Variants in CSMD3 observed in about 807,000 individuals in gnomAD.
The protein encoded by CSMD3 is CUB and Sushi multiple domains 3.
In CSMD3, 177 loss-of-function variants were observed where a neutral mutation model predicts 435.2. That is an observed-to-expected ratio of 0.41 (90% confidence interval 0.36 to 0.46). CSMD3 has a LOEUF of 0.46. Ranked by LOEUF, CSMD3 falls within the 20% of genes least tolerant of loss-of-function variation. The pLI is 0.34. For missense variants in CSMD3, 4,265 were observed against 4,504.6 expected, an observed-to-expected ratio of 0.95 and a Z score of 1.52; for synonymous variants, 1,656 against 1,520.5, an observed-to-expected ratio of 1.09 and a Z score of -2.07.
chr8:112,798,863 G>T (rs2078891724), intron 13 of CSMD3, among the ~76,000 whole-genome samples: 1 of 151,812 alleles, frequency 6.6e-6, no homozygotes, highest in Admixed American at 6.6e-5. Flanking sequence ...GCCATTTAGA[G>T]GGAGAAGGGG....
chr8:112,587,341 A>G (rs1251033150), intron 22 of CSMD3, 106 bp from the exon 23 acceptor site: 2 of 819,456 alleles, frequency 2.4e-6, no homozygotes, highest in African/African-American at 1.7e-5. Flanking sequence ...CCTAAAGCCT[A>G]GTAGAAAAAT....
chr8:112,612,231 C>A (rs992819774), intron 22 of CSMD3, among the ~76,000 whole-genome samples: 2 of 152,152 alleles, frequency 1.3e-5, no homozygotes, highest in African/African-American at 4.8e-5. Flanking sequence ...GACAAATTAT[C>A]AGCCAGGTAT....
At position 112,557,795 on chromosome 8, in the gene CSMD3, C is replaced by T. The variant is rs993249005; in HGVS notation, c.4043-841G>A. Among the ~76,000 whole-genome samples the T allele has an allele frequency of 7.9e-5, 12 of 151,944 alleles. No homozygotes were observed. The South Asian group carries it at 2.5e-3, about 32-fold the overall frequency. Reference sequence around the variant, plus strand: ...CTTCGTTTGTATCCTTTATAATAAACCAATAAAGGTGAGTAAATGTTTCCC... The same window carrying T: ...CTTCGTTTGTATCCTTTATAATAAATCAATAAAGGTGAGTAAATGTTTCCC... On this transcript the variant is annotated intron_variant, in intron 24 of 70. Transcript: ENST00000297405.
At chr8:113,099,040 A>G (rs886260437) in intron 4 of CSMD3, 77 bp from the exon 5 acceptor site, 1 of 910,722 alleles carries the variant, frequency 1.1e-6, no homozygotes, top group Admixed American at 1.8e-5. Context: ...AAAGCAAGTC[A>G]ATATGTTTGG....
Position 112,278,671 on chromosome 8 carries a change from A to G in CSMD3, c.9508+2503T>C, listed in dbSNP as rs533953070. ...TCCAATGCTTGCCTATCTGACAAGG[A>G]GTGGTCACCATGTGGTGTCCTCCAG... On this transcript the variant is annotated intron_variant, in intron 59 of 70. Transcript: ENST00000297405. Among the ~76,000 whole-genome samples, 17 of 152,286 alleles carry G rather than the reference A, an allele frequency of 1.1e-4. No individual in the cohort carries two copies. The South Asian group carries it at 2.9e-3, about 26-fold the overall frequency.
chr8:112,255,686 TG>T, intron 61 of CSMD3: 1 of 477,130 alleles, frequency 2.1e-6, no homozygotes, highest in Non-Finnish European at 3.7e-6. Flanking sequence ...AAAGAATTTT[TG>T]TACTTTTGTC....
At chr8:112,895,815 GT>G (rs2081934675) in intron 10 of CSMD3, among the ~76,000 whole-genome samples, 1 of 151,422 alleles carries the variant, frequency 6.6e-6, no homozygotes, top group Non-Finnish European at 1.5e-5. Context: ...GGTTAGATGG[GT>G]TTTAGGAGTC....
Position 112,266,035 on chromosome 8 carries a change from A to G in CSMD3, c.9509-445T>C, listed in dbSNP as rs891159562. Among the ~76,000 whole-genome samples the G allele has an allele frequency of 1.2e-4, 19 of 152,230 alleles. No homozygotes were observed. In the South Asian group the frequency reaches 3.9e-3, roughly 32 times the overall value. On this transcript the variant is annotated intron_variant, in intron 59 of 70. Coordinates refer to ENST00000297405, the MANE Select transcript of CSMD3 (RefSeq NM_198123.2). ...ATTTTCTGCAGTGTCACTCAGAAAGACAACCCCCAAGAAATTGCAACCTTC... is the reference window on the plus strand; with the variant it reads ...ATTTTCTGCAGTGTCACTCAGAAAGGCAACCCCCAAGAAATTGCAACCTTC...
chr8:113,002,902 T>C (rs568953170), intron 6 of CSMD3, among the ~76,000 whole-genome samples: 15 of 152,180 alleles, frequency 9.9e-5, no homozygotes, highest in Admixed American at 9.2e-4. Context: ...ATGTGAGAGA[T>C]AGTGGACATT....
At chr8:113,258,512 T>C (rs555327189) in intron 3 of CSMD3, among the ~76,000 whole-genome samples, 1 of 152,300 alleles carries the variant, frequency 6.6e-6, no homozygotes, top group Admixed American at 6.5e-5. Flanking sequence ...TAAGTAGAAG[T>C]GTCATAACAC....
intron 47 of CSMD3, among the ~76,000 whole-genome samples, chr8:112,315,497 T>C (rs1822375602): frequency 6.6e-6 from 1 of 151,840 alleles, no homozygotes. Flanking sequence ...TTTTTTGAAG[T>C]TCTGTGATGT....
intron 1 of CSMD3, among the ~76,000 whole-genome samples, chr8:113,374,615 T>G (rs960555874): frequency 6.6e-6 from 1 of 151,930 alleles, no homozygotes; most frequent in Admixed American, 6.6e-5. Flanking sequence ...GAGTAAGACA[T>G]TTTCACATTG....
In CSMD3 at chr8:112,899,964, T is replaced by C. The variant is rs542540366; in HGVS notation, c.1633+21663A>G. Among the ~76,000 whole-genome samples, 5 of 151,280 alleles carry C rather than the reference T, an allele frequency of 3.3e-5. No individual in the cohort carries two copies. The East Asian group carries it at 7.9e-4, about 24-fold the overall frequency. ...AAAGTACCTTCAATTTGGAAAGTTG[T>C]AATGTTTACTAAAGTAAAGTATACT... On this transcript the variant is annotated intron_variant, in intron 10 of 70. Coordinates refer to ENST00000297405, the MANE Select transcript of CSMD3 (RefSeq NM_198123.2).
intron 8 of CSMD3, among the ~76,000 whole-genome samples, chr8:112,954,159 T>C (rs993258315): frequency 6.6e-6 from 1 of 151,542 alleles, no homozygotes; most frequent in Non-Finnish European, 1.5e-5. Flanking sequence ...TTAAAGATTT[T>C]CAAGAAGTGA....
chr8:112,687,361 T>G (rs998696073), intron 14 of CSMD3, among the ~76,000 whole-genome samples: 1 of 152,120 alleles, frequency 6.6e-6, no homozygotes, highest in Admixed American at 6.5e-5. Flanking sequence ...GCTCATAAAC[T>G]GATCATTTAA....
intron 32 of CSMD3, among the ~76,000 whole-genome samples, chr8:112,470,643 T>C (rs1281805172): frequency 6.6e-6 from 1 of 151,918 alleles, no homozygotes; most frequent in East Asian, 1.9e-4. Context: ...TATATGTATA[T>C]AATATATATA....
At chr8:113,405,200 T>A (rs2094527245) in intron 1 of CSMD3, among the ~76,000 whole-genome samples, 1 of 151,630 alleles carries the variant, frequency 6.6e-6, no homozygotes, top group Non-Finnish European at 1.5e-5. Context: ...ATAGTTTGCA[T>A]AATATTAAGG....
chr8:112,917,420 T>C (rs981782532), intron 10 of CSMD3, among the ~76,000 whole-genome samples: 2 of 151,834 alleles, frequency 1.3e-5, no homozygotes, highest in African/African-American at 4.8e-5. Flanking sequence ...GGCTTGGTCA[T>C]TCAGGAACAG....
rs141871189 is a variant in CSMD3, at chr8:112,563,555, T to C, written c.4043-6601A>G. On this transcript the variant is annotated intron_variant, in intron 24 of 70. Transcript: ENST00000297405. ...GGCTAAGTTTGTATCCTGTACATCA[T>C]AGATTTGTACCACATTCTAGGTTGG... Among the ~76,000 whole-genome samples the C allele has an allele frequency of 6.3e-3, 961 of 152,120 alleles. 9 individuals are homozygous for C. Among genetic ancestry groups the C allele is most frequent in the African/African-American group, 0.022 (912 of 41,534 alleles).
Sources: allele counts gnomAD v4.1 joint callset (sites outside exome capture counted in the v4.1 genomes callset), GRCh38; gene constraint gnomAD v4.1.1; transcripts MANE v1.5; gene names NCBI Gene and HGNC (gene_info 2026-07-23, HGNC 2026-07-21).